Variants in CACNG4 observed in about 807,000 individuals in gnomAD.
CACNG4 encodes calcium voltage-gated channel auxiliary subunit gamma 4.
In CACNG4, 8 loss-of-function variants were observed where a neutral mutation model predicts 22.9. That is an observed-to-expected ratio of 0.35 (90% CI 0.21 to 0.63). The LOEUF is 0.63. CACNG4 is among the 30% of genes least tolerant of loss of function. The pLI is 0.72. For synonymous variants in CACNG4, 188 were observed against 191.9 expected (o/e 0.98, Z 0.17); for missense variants, 357 against 455.4 (o/e 0.78, Z 1.97).
intron 2 of CACNG4, 42 bp downstream of exon 2, chr17:67,018,314 G>A (rs539209686): frequency 6.7e-6 from 10 of 1,495,046 alleles, no homozygotes; most frequent in South Asian, 1.1e-5. Flanking sequence ...GTGGGGAGGC[G>A]GAAGGGTGGG....
chr17:67,016,488 G>A (rs1354814159), intron 1 of CACNG4, among the ~76,000 whole-genome samples: 3 of 152,160 alleles, frequency 2.0e-5, no homozygotes, highest in South Asian at 2.1e-4. Flanking sequence ...TGGTGACCAG[G>A]TAGAAGGGCA....
chr17:67,027,988 C>G lies in CACNG4; in HGVS notation c.446-2478C>G, dbSNP rs943195311. Among the ~76,000 whole-genome samples the G allele has an allele frequency of 6.6e-6, 1 of 151,828 alleles. No homozygotes were observed. Among genetic ancestry groups the G allele is most frequent in the African/African-American group, 2.4e-5 (1 of 41,296 alleles). ...TGAGCTGAGATCACGCCACTGCACT[C>G]CAGCCTGGGCGACAGAGCAAGACTC... is the stretch of plus-strand genomic sequence containing the variant. On this transcript the variant is annotated intron_variant, in intron 3 of 3. Coordinates refer to ENST00000262138, the MANE Select transcript of CACNG4 (RefSeq NM_014405.4). The surrounding 1 kb of genome is among the most constrained non-coding windows in gnomAD (Gnocchi z 4.3).
At position 66,984,974 on chromosome 17, in the gene CACNG4, A is replaced by G. The variant is rs2035296821; in HGVS notation, c.220+19843A>G. Among the ~76,000 whole-genome samples the G allele has an allele frequency of 6.6e-6, 1 of 152,198 alleles. No individual in the cohort carries two copies. The highest frequency in any genetic ancestry group is 1.5e-5 in the Non-Finnish European group (1 of 68,032). On this transcript the variant is annotated intron_variant, in intron 1 of 3. Transcript: ENST00000262138. This position sits in a 1 kb window ranked among gnomAD's most constrained non-coding sequence, Gnocchi z 4.0. ...CCCACTGAGCTGAGCACACCAGCTCAACGAGACCAGACCAAAGGGTGGCAG... is the reference window on the plus strand; with the variant it reads ...CCCACTGAGCTGAGCACACCAGCTCGACGAGACCAGACCAAAGGGTGGCAG...
chr17:67,007,508 T>C (rs1340037181), intron 1 of CACNG4, among the ~76,000 whole-genome samples: 1 of 152,082 alleles, frequency 6.6e-6, no homozygotes, highest in African/African-American at 2.4e-5. Flanking sequence ...TGGGTCTCAC[T>C]TGAGATATGA....
intron 2 of CACNG4, among the ~76,000 whole-genome samples, chr17:67,018,492 G>T (rs1252666402): frequency 6.6e-6 from 1 of 152,204 alleles, no homozygotes; most frequent in African/African-American, 2.4e-5. Flanking sequence ...TGGCTGAGAG[G>T]CCTGTACCCT....
chr17:67,031,235 G>A lies in CACNG4; in HGVS notation c.*231G>A, dbSNP rs915078004. 1 of 648,880 alleles carries A rather than the reference G, an allele frequency of 1.5e-6. No individual in the cohort carries two copies. The highest frequency in any genetic ancestry group is 1.8e-5 in the African/African-American group (1 of 55,494). The allele number at this position is 648,880 out of a possible 1,614,324, so 40.2% of individuals were successfully genotyped here. A position where few individuals can be genotyped will look rare whatever the true frequency, so the allele number is the denominator to read the frequency against. ...CTTTGTCCCCTCCCCGAAAAAGGGTGTTTTGATGCCTCAGGGTCTCTGAAA... is the reference window on the plus strand; with the variant it reads ...CTTTGTCCCCTCCCCGAAAAAGGGTATTTTGATGCCTCAGGGTCTCTGAAA... On this transcript the variant is annotated 3_prime_UTR_variant, in exon 4 of 4. Transcript: ENST00000262138. This position sits in a 1 kb window ranked among gnomAD's most constrained non-coding sequence, Gnocchi z 4.0.
chr17:67,030,822 G>A lies in CACNG4; in HGVS notation c.802G>A (p.Ala268Thr), dbSNP rs1233357194. 4 of 1,613,844 alleles carry A rather than the reference G, an allele frequency of 2.5e-6. No individual in the cohort carries two copies. Among genetic ancestry groups the A allele is most frequent in the Non-Finnish European group, 3.4e-6 (4 of 1,180,022 alleles). ...GCCCATGGGCCTGAAGATCACAGGG[G>A]CCATCCCCATGGGGGAGCTGTCCAT... ...VSPMGLKITG[A>T]IPMGELSMYT... The change falls in exon 4 of 4, where the codon GCC (alanine) becomes ACC (threonine). Residue 268 changes from alanine (A) to threonine (T), a missense_variant. By Grantham distance (58) the Ala-to-Thr change is moderately conservative. This residue lies in a region of CACNG4 where 240 missense variants were observed against 277.6 expected (regional missense o/e 0.86). Transcript: ENST00000262138. This position sits in a 1 kb window ranked among gnomAD's most constrained non-coding sequence, Gnocchi z 6.4.
In CACNG4 at chr17:66,983,399, C is replaced by T. The variant is rs146891110; in HGVS notation, c.220+18268C>T. Among the ~76,000 whole-genome samples the T allele has an allele frequency of 7.0e-4, 107 of 152,238 alleles. 1 individual carries two copies. Among genetic ancestry groups the T allele is most frequent in the Non-Finnish European group, 1.3e-3 (87 of 68,020 alleles). On this transcript the variant is annotated intron_variant, in intron 1 of 3. Transcript: ENST00000262138. ...AATATCCAAAATAACCCATGGTGACCCCAGGAATCTGGGGCCACAGTGAAG... is the reference window on the plus strand; with the variant it reads ...AATATCCAAAATAACCCATGGTGACTCCAGGAATCTGGGGCCACAGTGAAG...
At chr17:66,972,629 C>T (rs1241612152) in intron 1 of CACNG4, among the ~76,000 whole-genome samples, 1 of 149,536 alleles carries the variant, frequency 6.7e-6, no homozygotes, top group Non-Finnish European at 1.5e-5. Flanking sequence ...CACTTCCCTT[C>T]GAGAAAGCAC....
At chr17:67,001,459 C>T (rs1430377219) in intron 1 of CACNG4, among the ~76,000 whole-genome samples, 5 of 152,126 alleles carry the variant, frequency 3.3e-5, no homozygotes, top group Admixed American at 6.5e-5. Flanking sequence ...CTCTGTCTGC[C>T]GTAGCCGCTG....
intron 1 of CACNG4, among the ~76,000 whole-genome samples, chr17:66,981,568 G>A (rs983896014): frequency 6.6e-6 from 1 of 152,188 alleles, no homozygotes; most frequent in African/African-American, 2.4e-5. Context: ...AGGGTTGGGG[G>A]TGCTGGGGCC....
Position 67,023,359 on chromosome 17 carries a change from T to C in CACNG4, c.305-1501T>C, listed in dbSNP as rs567752340. Among the ~76,000 whole-genome samples, 587 of 136,168 alleles carry C rather than the reference T, an allele frequency of 4.3e-3. 17 individuals carry two copies. Among genetic ancestry groups the C allele is most frequent in the Admixed American group, 0.04 (491 of 12,200 alleles). 89.3% of individuals were successfully genotyped at this position (136,168 alleles called of 152,430 possible). On this transcript the variant is annotated intron_variant, in intron 2 of 3. Coordinates refer to ENST00000262138, the MANE Select transcript of CACNG4 (RefSeq NM_014405.4). Reference sequence around the variant, plus strand: ...GGCGCGATCTTGGCTCACTGCAAGCTCCGCCTCCCGGGTTCACGCCATTCT... The same window carrying C: ...GGCGCGATCTTGGCTCACTGCAAGCCCCGCCTCCCGGGTTCACGCCATTCT...
rs9890544 is a variant in CACNG4 at position 66,991,946 on chromosome 17, T to C, written c.221-26243T>C. Among the ~76,000 whole-genome samples, 8 of 152,266 alleles carry C rather than the reference T, an allele frequency of 5.3e-5. No individual in the cohort carries two copies. In the South Asian group the frequency reaches 6.2e-4, roughly 12 times the overall value. ...ACACTTACTGCCTCTCTTACCACCA[T>C]GCCTGCTGGAATGCGAGCTGCCTGC... On this transcript the variant is annotated intron_variant, in intron 1 of 3. Transcript: ENST00000262138.
chr17:66,977,777 G>C (rs1053635703), intron 1 of CACNG4, among the ~76,000 whole-genome samples: 2 of 152,174 alleles, frequency 1.3e-5, no homozygotes, highest in African/African-American at 4.8e-5. Flanking sequence ...AAACTGTGTC[G>C]TCCTTAGGTG....
chr17:67,004,103 C>A (rs719935), intron 1 of CACNG4, among the ~76,000 whole-genome samples: 31,020 of 152,096 alleles, frequency 0.2, 7,361 homozygotes, highest in African/African-American at 0.57. Flanking sequence ...TTACAGCTCC[C>A]TAGTTGTTCC....
At chr17:67,023,425 G>A (rs1389881831) in intron 2 of CACNG4, among the ~76,000 whole-genome samples, 3 of 150,506 alleles carry the variant, frequency 2.0e-5, no homozygotes, top group Non-Finnish European at 4.4e-5. Context: ...ACAGGCACTG[G>A]CTACAACGCC....
At chr17:66,979,596 T>C (rs1567750443) in intron 1 of CACNG4, among the ~76,000 whole-genome samples, 1 of 150,826 alleles carries the variant, frequency 6.6e-6, no homozygotes, top group Non-Finnish European at 1.5e-5. Flanking sequence ...GTGACTTATC[T>C]GATCTCCTTC....
intron 1 of CACNG4, among the ~76,000 whole-genome samples, chr17:66,977,615 G>A (rs1015736717): frequency 5.3e-5 from 8 of 152,202 alleles, no homozygotes; most frequent in Admixed American, 4.6e-4. Flanking sequence ...AAATGAGATT[G>A]GACATGGGAA....
intron 1 of CACNG4, among the ~76,000 whole-genome samples, chr17:66,991,189 C>A (rs1322603889): frequency 6.6e-6 from 1 of 152,020 alleles, no homozygotes; most frequent in Non-Finnish European, 1.5e-5. Flanking sequence ...GAGTCAGAAG[C>A]CTCCCTGGGC....
Sources: gnomAD v4.1 joint callset for allele counts (sites outside exome capture counted in the v4.1 genomes callset) on GRCh38, gnomAD v4.1.1 for gene constraint, gnomAD v4.1.1 regional missense constraint, Gnocchi (gnomAD v3.1) non-coding constraint, MANE v1.5 for transcripts, NCBI Gene and HGNC (gene_info 2026-07-23, HGNC 2026-07-21) for gene names.